UBE2R2: variants seen among roughly 807,000 people sequenced by gnomAD.
UBE2R2 encodes the protein ubiquitin-conjugating enzyme E2 R2.
Under a neutral mutation model 27.8 loss-of-function variants are expected in UBE2R2, and 1 was observed. That is an observed-to-expected ratio of 0.04 (90% CI 0.01 to 0.17). UBE2R2 has a LOEUF of 0.17. Among genes scored for constraint, UBE2R2 ranks in the 10% least tolerant of loss-of-function variants. The pLI, the probability that UBE2R2 is intolerant of heterozygous loss-of-function variation, is 1.00. For missense variants in UBE2R2, 100 were observed against 291.0 expected, an observed-to-expected ratio of 0.34 and a Z score of 4.78; for synonymous variants, 106 against 113.3, an observed-to-expected ratio of 0.94 and a Z score of 0.41.
chr9:33,892,470 T>C (rs1418860615), intron 2 of UBE2R2, among the ~76,000 whole-genome samples: 1 of 152,160 alleles, frequency 6.6e-6, no homozygotes, highest in Non-Finnish European at 1.5e-5. Context: ...AAATTGCTGA[T>C]TATTTTATTA....
At chr9:33,842,289 T>C in intron 1 of UBE2R2, among the ~76,000 whole-genome samples, 1 of 152,118 alleles carries the variant, frequency 6.6e-6, no homozygotes, top group Non-Finnish European at 1.5e-5. Flanking sequence ...TAGTCCCAGA[T>C]ACGCGGAAGG....
chr9:33,876,334 C>T (rs535499224), intron 1 of UBE2R2, among the ~76,000 whole-genome samples: 6 of 152,004 alleles, frequency 3.9e-5, no homozygotes, highest in South Asian at 2.1e-4. Context: ...CTAGCCTGGG[C>T]GACAGAGCAA....
chr9:33,889,378 T>G (rs889795687), intron 2 of UBE2R2, among the ~76,000 whole-genome samples: 1 of 152,092 alleles, frequency 6.6e-6, no homozygotes, highest in Non-Finnish European at 1.5e-5. Context: ...TTCTTTTTTT[T>G]TATTTTTAGT....
At chr9:33,891,049 T>TTTTTTGTTTTTTTTTTTG (rs1821970914) in intron 2 of UBE2R2, among the ~76,000 whole-genome samples, 1 of 139,932 alleles carries the variant, frequency 7.1e-6, no homozygotes, top group African/African-American at 2.6e-5. Flanking sequence ...GTTGTTGTGT[T>TTTTTTGTTTTTTTTTTTG]TTTTTGTTTT....
At chr9:33,868,975 A>G (rs1821422545) in intron 1 of UBE2R2, among the ~76,000 whole-genome samples, 1 of 152,156 alleles carries the variant, frequency 6.6e-6, no homozygotes, top group Admixed American at 6.5e-5. Flanking sequence ...ATTCATATGT[A>G]ATTGTTTTTT....
At chr9:33,867,820 G>T (rs904859595) in intron 1 of UBE2R2, among the ~76,000 whole-genome samples, 5 of 152,186 alleles carry the variant, frequency 3.3e-5, no homozygotes, top group African/African-American at 1.2e-4. Flanking sequence ...TTGGGAGGCT[G>T]AGGCAGGAGA....
chr9:33,861,090 C>G (rs953149111), intron 1 of UBE2R2, among the ~76,000 whole-genome samples: 2 of 151,546 alleles, frequency 1.3e-5, no homozygotes, highest in African/African-American at 2.4e-5. Flanking sequence ...TCCAGAGTAC[C>G]TGGGACTACA....
chr9:33,847,638 C>T (rs1820874760), intron 1 of UBE2R2, among the ~76,000 whole-genome samples: 1 of 151,934 alleles, frequency 6.6e-6, no homozygotes. Context: ...CTCTCTTCTT[C>T]ATTAACCTAC....
chr9:33,832,327 AAAG>A (rs1265219181), intron 1 of UBE2R2, among the ~76,000 whole-genome samples: 2 of 148,586 alleles, frequency 1.3e-5, no homozygotes, highest in African/African-American at 2.5e-5. Context: ...AAAGAAAAGA[AAAG>A]AAATTATTTA....
At chr9:33,834,041 G>T (rs775424326) in intron 1 of UBE2R2, among the ~76,000 whole-genome samples, 22 of 152,210 alleles carry the variant, frequency 1.4e-4, no homozygotes, top group Non-Finnish European at 2.8e-4. Flanking sequence ...GGATGCTTGG[G>T]TTGTTCCCAC....
chr9:33,854,317 T>A (rs1381353279), intron 1 of UBE2R2, among the ~76,000 whole-genome samples: 1 of 151,854 alleles, frequency 6.6e-6, no homozygotes, highest in Non-Finnish European at 1.5e-5. Flanking sequence ...GTCTAATTGT[T>A]GAGAATTTTT....
intron 1 of UBE2R2, among the ~76,000 whole-genome samples, chr9:33,859,822 GAC>G (rs1821189381): frequency 2.0e-5 from 3 of 147,542 alleles, no homozygotes; most frequent in Non-Finnish European, 4.5e-5. Context: ...GAGAGAGAGA[GAC>G]AGGATCTCTC....
At chr9:33,837,466 C>T (rs1429244530) in intron 1 of UBE2R2, among the ~76,000 whole-genome samples, 2 of 148,558 alleles carry the variant, frequency 1.3e-5, no homozygotes, top group Admixed American at 6.8e-5. Flanking sequence ...TGCTCTGCTG[C>T]CTAAGCTGGA....
rs1024827311 is a variant in UBE2R2 at position 33,817,436 on chromosome 9, C to T, written c.-322C>T. The T allele has an allele frequency of 1.4e-4, 21 of 154,298 alleles. No individual in the cohort carries two copies. The highest frequency in any genetic ancestry group is 2.7e-4 in the Non-Finnish European group (19 of 69,902). The allele number at this position is 154,298 out of a possible 1,614,324, so 9.6% of individuals were successfully genotyped here. Reference sequence around the variant, plus strand: ...TTCCTCCGCTTCCACCTCCTCTCCCCCCCCCCAAGTTGAGGCCCCCTCCGG... The same window carrying T: ...TTCCTCCGCTTCCACCTCCTCTCCCTCCCCCCAAGTTGAGGCCCCCTCCGG... On this transcript the variant is annotated 5_prime_UTR_variant, in exon 1 of 5. Transcript: ENST00000263228.
At chr9:33,870,394 C>T (rs565370770) in intron 1 of UBE2R2, among the ~76,000 whole-genome samples, 4 of 152,274 alleles carry the variant, frequency 2.6e-5, no homozygotes, top group Non-Finnish European at 2.9e-5. Context: ...CTGCCCACCT[C>T]GGCCTCCCAA....
upstream of UBE2R2, among the ~76,000 whole-genome samples, chr9:33,817,084 G>GGCCGCCAGCCGCTGAGA (rs1391201995): frequency 2.7e-4 from 41 of 151,860 alleles, no homozygotes; most frequent in African/African-American, 9.7e-4. Context: ...ACGCGCGTCG[G>GGCCGCCAGCCGCTGAGA]GCCGCCAGCC....
intron 1 of UBE2R2, among the ~76,000 whole-genome samples, chr9:33,844,009 G>A (rs1820786430): frequency 6.6e-6 from 1 of 152,142 alleles, no homozygotes; most frequent in Admixed American, 6.6e-5. Flanking sequence ...TATAATGATA[G>A]TTGAGGTTAC....
intron 1 of UBE2R2, among the ~76,000 whole-genome samples, chr9:33,828,842 T>C (rs1241866037): frequency 1.3e-5 from 2 of 152,156 alleles, no homozygotes; most frequent in Non-Finnish European, 1.5e-5. Flanking sequence ...CAAGTGATTA[T>C]TCTGTCTCAG....
rs546977619 is a variant in UBE2R2 at position 33,915,985 on chromosome 9, G to C, written c.498-1033G>C. 3.3e-5 allele frequency among the ~76,000 whole-genome samples: 5 copies of C among 152,254 alleles called. No homozygotes were observed. In the East Asian group the frequency reaches 9.6e-4, roughly 29 times the overall value. On this transcript the variant is annotated intron_variant, in intron 4 of 4. Transcript: ENST00000263228. ...CTGGTCCAGACAGAAAAATCAACAA[G>C]GTGTGTCCGAGATGCCAAAAAAAGA...
Sources: gnomAD v4.1 joint callset for allele counts (sites outside exome capture counted in the v4.1 genomes callset) on GRCh38, gnomAD v4.1.1 for gene constraint, MANE v1.5 for transcripts, NCBI Gene and HGNC (gene_info 2026-07-23, HGNC 2026-07-21) for gene names.